Variants in PRKAR1B observed in about 807,000 individuals in gnomAD.
The protein encoded by PRKAR1B is protein kinase cAMP-dependent type I regulatory subunit beta, also known as cAMP-dependent protein kinase type I-beta regulatory subunit.
PRKAR1B carries 22 observed loss-of-function variants against 46.5 expected under a neutral mutation model. That is an observed-to-expected ratio of 0.47 (90% CI 0.34 to 0.68). The LOEUF (loss-of-function observed/expected upper bound fraction) is 0.68. Ranked by LOEUF, PRKAR1B falls within the 30% of genes least tolerant of loss-of-function variation. The probability of loss-of-function intolerance (pLI) is 0.01; values close to 1 mark genes in which losing one functional copy is unlikely to be tolerated. For synonymous variants in PRKAR1B, 259 were observed against 217.7 expected, an observed-to-expected ratio of 1.19 and a Z score of -1.67; for missense variants, 445 against 535.6, an observed-to-expected ratio of 0.83 and a Z score of 1.67.
intron 9 of PRKAR1B, among the ~76,000 whole-genome samples, chr7:563,107 C>T (rs1026414105): frequency 1.3e-5 from 2 of 152,184 alleles, no homozygotes; most frequent in Non-Finnish European, 2.9e-5. Context: ...GGAACTGACA[C>T]GGCTTCTGCT....
intron 8 of PRKAR1B, 23 bp from the exon 9 acceptor site, chr7:579,400 G>T (rs1425550256): frequency 1.2e-6 from 2 of 1,611,042 alleles, no homozygotes; most frequent in Non-Finnish European, 1.7e-6. Flanking sequence ...GATGAGGACA[G>T]GTCATCCCGG....
chr7:646,041 C>A (rs1003378705), intron 4 of PRKAR1B, among the ~76,000 whole-genome samples: 2 of 152,138 alleles, frequency 1.3e-5, no homozygotes, highest in Non-Finnish European at 2.9e-5. Context: ...GTAACCCCAA[C>A]TGCACGCTAT....
intron 9 of PRKAR1B, among the ~76,000 whole-genome samples, chr7:569,009 ATT>A (rs544203926): frequency 6.9e-5 from 9 of 130,760 alleles, no homozygotes; most frequent in Admixed American, 7.7e-5. Context: ...TAGAGTTGTT[ATT>A]TTTTTTTTTT....
Position 711,330 on chromosome 7 carries a change from T to G in PRKAR1B, c.176A>C (p.Lys59Thr). The G allele has an allele frequency of 1.2e-6, 2 of 1,614,068 alleles. No individual in the cohort carries two copies. Among genetic ancestry groups the G allele is most frequent in the South Asian group, 2.2e-5 (2 of 91,076 alleles). ...CAGCGGGCGGCGGGGGCCACTCACC[T>G]TCTCCAGCTTCTCGAAGTGCTCCCG... is the stretch of plus-strand genomic sequence containing the variant. ...FLREHFEKLE[K>T]EENRQILARQ... Residue 59 changes from lysine to threonine, a missense_variant and splice_region_variant, in exon 2 of 11, where the codon AAG becomes ACG. Coordinates refer to ENST00000537384, the MANE Select transcript of PRKAR1B (RefSeq NM_001164760.2).
At chr7:616,910 C>A (rs1403409621) in intron 4 of PRKAR1B, among the ~76,000 whole-genome samples, 1 of 151,830 alleles carries the variant, frequency 6.6e-6, no homozygotes, top group Non-Finnish European at 1.5e-5. Context: ...CAGCCAAGTG[C>A]TCATCCCGGG....
At position 634,554 on chromosome 7, in the gene PRKAR1B, C is replaced by T. The variant is rs117973526; in HGVS notation, c.441-27102G>A. Among the ~76,000 whole-genome samples the T allele has an allele frequency of 9.5e-4, 145 of 151,866 alleles. 2 individuals are homozygous for T. In the East Asian group the frequency reaches 0.025, roughly 27 times the overall value. On this transcript the variant is annotated intron_variant, in intron 4 of 10. Coordinates refer to ENST00000537384, the MANE Select transcript of PRKAR1B (RefSeq NM_001164760.2). ...CTCAGGGTGCTGCGTGCAGGGTGAG[C>T]GCTGTGCCTGTGATGATTTTCCTGC...
At position 667,546 on chromosome 7, in the gene PRKAR1B, C is replaced by T. The variant is rs1389447454; in HGVS notation, c.440+9683G>A. On this transcript the variant is annotated intron_variant, in intron 4 of 10. Transcript: ENST00000537384. This position sits in a 1 kb window ranked among gnomAD's most constrained non-coding sequence, Gnocchi z 4.3. ...TGGTCCTGTCTCACCCCTGAGCTGT[C>T]TCCCTGCAGCTGCAGTTCACTACAG... 6.6e-6 allele frequency among the ~76,000 whole-genome samples: 1 copy of T among 152,208 alleles called. No homozygotes were observed. The highest frequency in any genetic ancestry group is 1.9e-4 in the East Asian group (1 of 5,206).
chr7:573,786 G>A (rs899119851), intron 9 of PRKAR1B, among the ~76,000 whole-genome samples: 6 of 152,164 alleles, frequency 3.9e-5, no homozygotes, highest in Admixed American at 1.3e-4. Flanking sequence ...CGCGGAGTCG[G>A]GCACACCCAT....
chr7:575,437 G>A (rs1779764258), intron 9 of PRKAR1B, among the ~76,000 whole-genome samples: 1 of 152,220 alleles, frequency 6.6e-6, no homozygotes. Context: ...ACTGCATTCT[G>A]TCTGTCAAGT....
chr7:662,203 C>CA (rs1241252382), intron 4 of PRKAR1B, among the ~76,000 whole-genome samples: 9 of 98,196 alleles, frequency 9.2e-5, no homozygotes, highest in Non-Finnish European at 1.7e-4. Context: ...CCCCATGGCA[C>CA]AGGTCCCCAC....
chr7:641,995 C>T (rs1430800071), intron 4 of PRKAR1B, among the ~76,000 whole-genome samples: 1 of 152,064 alleles, frequency 6.6e-6, no homozygotes, highest in Non-Finnish European at 1.5e-5. Context: ...CTCAACCTCC[C>T]GGGTTCAAGG....
intron 4 of PRKAR1B, among the ~76,000 whole-genome samples, chr7:647,736 G>C (rs186656698): frequency 1.3e-5 from 2 of 149,988 alleles, no homozygotes; most frequent in African/African-American, 4.9e-5. Flanking sequence ...AACCTGGGGG[G>C]GCAGAGCCTG....
chr7:587,355 C>G (rs1780659049), intron 7 of PRKAR1B, among the ~76,000 whole-genome samples: 1 of 152,200 alleles, frequency 6.6e-6, no homozygotes, highest in Non-Finnish European at 1.5e-5. Context: ...GGGCTGTGCT[C>G]AGGGCTGTGC....
intron 8 of PRKAR1B, among the ~76,000 whole-genome samples, chr7:584,118 G>A (rs923750957): frequency 3.9e-5 from 6 of 152,144 alleles, no homozygotes; most frequent in Non-Finnish European, 7.4e-5. Flanking sequence ...ACAGGTCAGG[G>A]AAAGCAGCTC....
chr7:630,055 A>G (rs10233836), intron 4 of PRKAR1B, among the ~76,000 whole-genome samples: 4,375 of 31,490 alleles, frequency 0.14, 471 homozygotes, highest in East Asian at 0.4. Context: ...CAGGAGCGGG[A>G]CCACGGCCTC....
intron 6 of PRKAR1B, among the ~76,000 whole-genome samples, chr7:599,589 CTCT>C (rs946970151): frequency 2.0e-5 from 3 of 152,350 alleles, no homozygotes; most frequent in Admixed American, 1.3e-4. Context: ...CGCCCAGCTT[CTCT>C]TCTTTTAAAA....
At chr7:692,413 A>G (rs1406993737) in intron 2 of PRKAR1B, among the ~76,000 whole-genome samples, 1 of 151,238 alleles carries the variant, frequency 6.6e-6, no homozygotes, top group Admixed American at 6.6e-5. Flanking sequence ...AAAAAGAAAC[A>G]GAGAGACAGA....
chr7:635,964 TCACGTCCTC>T (rs1236371904), intron 4 of PRKAR1B, among the ~76,000 whole-genome samples: 1 of 70,990 alleles, frequency 1.4e-5, no homozygotes, highest in African/African-American at 5.2e-5. Context: ...GGCCGCGCCC[TCACGTCCTC>T]CACCGGCCGC....
intron 1 of PRKAR1B, chr7:716,802 C>T (rs910630220): frequency 6.6e-6 from 1 of 152,208 alleles, no homozygotes; most frequent in African/African-American, 2.4e-5. Flanking sequence ...CTGAGCCTTC[C>T]CCAGCCAGCT....
Sources: gnomAD v4.1 joint callset for allele counts (sites outside exome capture counted in the v4.1 genomes callset) on GRCh38, gnomAD v4.1.1 for gene constraint, Gnocchi (gnomAD v3.1) non-coding constraint, MANE v1.5 for transcripts, NCBI Gene and HGNC (gene_info 2026-07-23, HGNC 2026-07-21) for gene names.